Variants in LRRC49 observed in about 807,000 individuals in gnomAD.
The protein encoded by LRRC49 is leucine-rich repeat-containing protein 49.
In LRRC49, 50 loss-of-function variants were observed where a neutral mutation model predicts 83.3. The ratio of observed to expected loss-of-function variants is 0.60; its 90% confidence interval spans 0.48 to 0.76. The LOEUF (loss-of-function observed/expected upper bound fraction) is 0.76. Ranked by LOEUF, LRRC49 falls within the 30% of genes least tolerant of loss-of-function variation. The pLI is 0.00. For missense variants in LRRC49, 704 were observed against 809.1 expected, an observed-to-expected ratio of 0.87 and a Z score of 1.58; for synonymous variants, 286 against 283.3, an observed-to-expected ratio of 1.01 and a Z score of -0.10.
chr15:70,954,065 T>A (rs1567068033), intron 8 of LRRC49, among the ~76,000 whole-genome samples: 1 of 152,128 alleles, frequency 6.6e-6, no homozygotes, highest in East Asian at 1.9e-4. Flanking sequence ...CAGCTAATTT[T>A]TGTATTTTTA....
intron 8 of LRRC49, among the ~76,000 whole-genome samples, chr15:70,938,814 TTTAAAAATGCAGCTGAC>T (rs1364551303): frequency 2.6e-5 from 4 of 152,248 alleles, no homozygotes; most frequent in African/African-American, 9.6e-5. Context: ...GTACCTTTAT[TTTAAAAATGCAGCTGAC>T]TTAAAAATAC....
intron 2 of LRRC49, among the ~76,000 whole-genome samples, chr15:70,883,954 C>A (rs146870785): frequency 6.6e-6 from 1 of 151,970 alleles, no homozygotes; most frequent in African/African-American, 2.4e-5. Context: ...TTGTGCCAGG[C>A]GGTGAAATTT....
intron 11 of LRRC49, among the ~76,000 whole-genome samples, chr15:71,000,918 G>A (rs185951473): frequency 9.2e-4 from 139 of 151,400 alleles, no homozygotes; most frequent in African/African-American, 3.0e-3. Flanking sequence ...AGAGTTCTTC[G>A]GATTTTGGTC....
chr15:71,008,324 T>A, intron 11 of LRRC49, 55 bp from the exon 12 acceptor site: 1 of 979,048 alleles, frequency 1.0e-6, no homozygotes, highest in Non-Finnish European at 1.6e-6. Context: ...GTCATTATAC[T>A]GTTAGGTATT....
At chr15:71,036,590 A>G (rs1397720816) in intron 14 of LRRC49, among the ~76,000 whole-genome samples, 1 of 152,204 alleles carries the variant, frequency 6.6e-6, no homozygotes, top group Non-Finnish European at 1.5e-5. Flanking sequence ...TACTATGAGC[A>G]CTATGTATGT....
At chr15:70,908,152 GATGTGAGAGTCATAAAGCAGCT>G in intron 5 of LRRC49, among the ~76,000 whole-genome samples, 2 of 152,204 alleles carry the variant, frequency 1.3e-5, no homozygotes, top group Non-Finnish European at 2.9e-5. Context: ...ATCCGAATCT[GATGTGAGAGTCATAAAGCAGCT>G]ATGTGTCAAA....
At chr15:70,910,583 A>G (rs1306706687) in intron 5 of LRRC49, among the ~76,000 whole-genome samples, 8 of 152,192 alleles carry the variant, frequency 5.3e-5, no homozygotes, top group Admixed American at 6.5e-5. Flanking sequence ...CCCATCTGGC[A>G]TATCAAAAAT....
chr15:70,872,333 G>A (rs930605188), intron 1 of LRRC49, among the ~76,000 whole-genome samples: 3 of 151,966 alleles, frequency 2.0e-5, no homozygotes, highest in Admixed American at 1.3e-4. Flanking sequence ...GCAGTGAACC[G>A]AGATTGCGGC....
chr15:70,907,045 C>A (rs2034343718), intron 5 of LRRC49, among the ~76,000 whole-genome samples: 6 of 152,198 alleles, frequency 3.9e-5, no homozygotes, highest in Admixed American at 3.9e-4. Context: ...TGGCCTCCAG[C>A]CAGCTGACTT....
intron 11 of LRRC49, among the ~76,000 whole-genome samples, chr15:70,994,536 A>C (rs1483738181): frequency 6.6e-6 from 1 of 152,048 alleles, no homozygotes; most frequent in Non-Finnish European, 1.5e-5. Context: ...GTGCGGTGGC[A>C]TGATCTCGGC....
intron 5 of LRRC49, among the ~76,000 whole-genome samples, chr15:70,907,060 A>G (rs2034344841): frequency 1.3e-5 from 2 of 152,238 alleles, no homozygotes; most frequent in Non-Finnish European, 2.9e-5. Flanking sequence ...TGACTTTGTC[A>G]CAGCAAGGGG....
chr15:70,926,239 T>G (rs1330408870), intron 7 of LRRC49, among the ~76,000 whole-genome samples: 1 of 152,158 alleles, frequency 6.6e-6, no homozygotes, highest in Non-Finnish European at 1.5e-5. Flanking sequence ...TTCTTGCAGT[T>G]TTTAAAAATT....
intron 8 of LRRC49, among the ~76,000 whole-genome samples, chr15:70,955,280 C>T (rs1015556749): frequency 7.2e-5 from 11 of 152,126 alleles, no homozygotes; most frequent in African/African-American, 2.7e-4. Context: ...GCAGGTCCTT[C>T]AAGAAGTATT....
At chr15:70,892,437 G>GC (rs755199778), upstream of LRRC49, 67 of 1,535,714 alleles carry the variant, frequency 4.4e-5, no homozygotes, top group Non-Finnish European at 5.4e-5. Context: ...GCGATCTGGG[G>GC]CCCCCAATGG....
chr15:70,956,990 T>A (rs2036424561), intron 8 of LRRC49, among the ~76,000 whole-genome samples: 1 of 152,192 alleles, frequency 6.6e-6, no homozygotes, highest in African/African-American at 2.4e-5. Context: ...ATAGACCATA[T>A]GGGCATCTAC....
At chr15:71,002,785 A>G (rs2038306411) in intron 11 of LRRC49, among the ~76,000 whole-genome samples, 2 of 152,098 alleles carry the variant, frequency 1.3e-5, no homozygotes, top group South Asian at 2.1e-4. Context: ...TTAAAAAAAC[A>G]ATAATAATCC....
chr15:71,015,771 A>G (rs2038805831), intron 14 of LRRC49, among the ~76,000 whole-genome samples: 2 of 152,224 alleles, frequency 1.3e-5, no homozygotes, highest in South Asian at 4.1e-4. Context: ...ATACCTTTAC[A>G]CTTAGCAATT....
At chr15:70,932,597 T>A (rs2035447344) in intron 7 of LRRC49, among the ~76,000 whole-genome samples, 1 of 152,302 alleles carries the variant, frequency 6.6e-6, no homozygotes, top group East Asian at 1.9e-4. Context: ...TGTCAAAATC[T>A]GTTCACCTTT....
At chr15:71,039,532 G>A (rs2039633889) in intron 15 of LRRC49, among the ~76,000 whole-genome samples, 1 of 152,166 alleles carries the variant, frequency 6.6e-6, no homozygotes, top group Non-Finnish European at 1.5e-5. Flanking sequence ...TTTGCATGTA[G>A]CCTATGCACA....
Sources: allele counts gnomAD v4.1 joint callset (sites outside exome capture counted in the v4.1 genomes callset), GRCh38; gene constraint gnomAD v4.1.1; transcripts MANE v1.5; gene names NCBI Gene and HGNC (gene_info 2026-07-23, HGNC 2026-07-21).